Variants in FGF13 observed in about 807,000 individuals in gnomAD.
FGF13 encodes fibroblast growth factor homologous factor 2.
A neutral mutation model predicts 19.5 loss-of-function variants in FGF13; 2 were observed. The observed-to-expected ratio is 0.10, with a 90% CI of 0.04 to 0.32. The LOEUF is 0.32. FGF13 is among the 10% of genes least tolerant of loss of function. The pLI is 1.00. For synonymous variants in FGF13, 72 were observed against 76.9 expected, an observed-to-expected ratio of 0.94 and a Z score of 0.33; for missense variants, 113 against 192.7, an observed-to-expected ratio of 0.59 and a Z score of 2.45.
At chrX:139,182,465 T>C (rs1316570034) in intron 1 of FGF13, among the ~76,000 whole-genome samples, 1 of 112,310 alleles carries the variant, frequency 8.9e-6, no homozygotes, top group Non-Finnish European at 1.9e-5. Context: ...CTTCTGAAAT[T>C]GCGTATTGTT....
chrX:138,770,602 G>A (rs2090537964), intron 3 of FGF13, among the ~76,000 whole-genome samples: 1 of 111,170 alleles, frequency 9.0e-6, no homozygotes, highest in Non-Finnish European at 1.9e-5. Flanking sequence ...ACCTACTATC[G>A]TGGCACGTTT....
intron 3 of FGF13, among the ~76,000 whole-genome samples, chrX:138,772,353 A>G (rs2090553079): frequency 9.2e-6 from 1 of 108,323 alleles, no homozygotes; most frequent in African/African-American, 3.3e-5. Context: ...TTAGCACATA[A>G]CAGGAGGACT....
chrX:138,713,681 A>C (rs2090075853), upstream of FGF13, among the ~76,000 whole-genome samples: 1 of 111,825 alleles, frequency 8.9e-6, no homozygotes, highest in South Asian at 3.8e-4. Flanking sequence ...CCTCTCAGAT[A>C]GCTCTCACTG....
At chrX:138,912,969 T>A (rs968854303) in intron 1 of FGF13, among the ~76,000 whole-genome samples, 1 of 110,538 alleles carries the variant, frequency 9.0e-6, no homozygotes, top group Admixed American at 9.7e-5. Context: ...CAAAGCCAGG[T>A]TTTCACTCTT....
chrX:139,182,036 T>A (rs750479527), intron 1 of FGF13, among the ~76,000 whole-genome samples: 1 of 88,287 alleles, frequency 1.1e-5, no homozygotes, highest in Admixed American at 1.2e-4. Context: ...CAGATAATCT[T>A]CATAATAAGA....
chrX:139,178,475 T>A (rs1008715433), intron 1 of FGF13, among the ~76,000 whole-genome samples: 14 of 112,284 alleles, frequency 1.2e-4, no homozygotes, highest in Admixed American at 4.7e-4. Flanking sequence ...AAGTATATGA[T>A]TATTTCCATG....
chrX:139,129,154 T>TACACAC (rs753541740), intron 1 of FGF13, among the ~76,000 whole-genome samples: 97 of 93,035 alleles, frequency 1.0e-3, no homozygotes, highest in African/African-American at 3.8e-3. Context: ...CATACACACA[T>TACACAC]ACACACACAC....
chrX:139,005,052 AGCCCCAGG>A (rs2092094562), intron 1 of FGF13, among the ~76,000 whole-genome samples: 1 of 111,758 alleles, frequency 8.9e-6, no homozygotes, highest in Non-Finnish European at 1.9e-5. Context: ...CTGATTGTAG[AGCCCCAGG>A]GCCCTGAACA....
chrX:139,190,371 C>T (rs1222340869), intron 1 of FGF13, among the ~76,000 whole-genome samples: 1 of 103,749 alleles, frequency 9.6e-6, no homozygotes, highest in African/African-American at 3.8e-5. Flanking sequence ...TGGTTGCTTG[C>T]TTGATAAAAG....
intron 1 of FGF13, among the ~76,000 whole-genome samples, chrX:138,937,374 C>A (rs758905617): frequency 8.9e-6 from 1 of 111,886 alleles, no homozygotes; most frequent in East Asian, 2.8e-4. Context: ...CATCTGTACT[C>A]ATTTCTGCAC....
At chrX:138,702,548 T>C (rs750171215) in intron 3 of FGF13, among the ~76,000 whole-genome samples, 7 of 112,084 alleles carry the variant, frequency 6.2e-5, no homozygotes, top group Admixed American at 1.9e-4. Context: ...AGATAAGAAA[T>C]AGAACTCTAG....
chrX:138,635,605 A>G lies in FGF13; in HGVS notation c.453T>C (p.Tyr151=). Residue 151 remains tyrosine, a synonymous_variant, in exon 4 of 5, where the codon TAT becomes TAC. Transcript: ENST00000315930. ...CKFKESVFEN[Y]YVTYSSMIYR... is the part of the protein sequence containing the mutation. The stretch of plus-strand genomic sequence containing the variant: ...ATATCATTGATGAATATGTCACATA[A>G]TAATTTTCAAACACTGATTCTTTGA... 1 of 1,210,855 alleles carries G rather than the reference A, an allele frequency of 8.3e-7. No individual in the cohort carries two copies. The highest frequency in any genetic ancestry group is 1.1e-6 in the Non-Finnish European group (1 of 894,827).
At chrX:139,137,928 T>A (rs1447129275) in intron 1 of FGF13, among the ~76,000 whole-genome samples, 2 of 112,016 alleles carry the variant, frequency 1.8e-5, no homozygotes, top group African/African-American at 6.5e-5. Context: ...ATGAACAAGA[T>A]CCAATCATCA....
intron 1 of FGF13, among the ~76,000 whole-genome samples, chrX:139,073,086 C>T (rs916672936): frequency 1.8e-5 from 2 of 110,269 alleles, no homozygotes; most frequent in Non-Finnish European, 3.8e-5. Flanking sequence ...TTAATCGTCT[C>T]AACGTTTCAT....
chrX:138,673,158 C>T lies in FGF13; in HGVS notation c.402+29826G>A, dbSNP rs1432290646. Among the ~76,000 whole-genome samples the T allele has an allele frequency of 2.7e-5, 3 of 111,021 alleles. No homozygotes were observed. In the Admixed American group the frequency reaches 2.9e-4, roughly 11 times the overall value. ...ATATACAATACTTTCAGGGATTTTG[C>T]TGTAAAGGGAAACTGGTAAATGGAA... On this transcript the variant is annotated intron_variant, in intron 3 of 4. Coordinates refer to ENST00000315930, the MANE Select transcript of FGF13 (RefSeq NM_004114.5).
intron 3 of FGF13, among the ~76,000 whole-genome samples, chrX:138,771,582 A>C (rs1256769692): frequency 9.0e-6 from 1 of 111,267 alleles, no homozygotes; most frequent in African/African-American, 3.3e-5. Flanking sequence ...ACAGCTAAAC[A>C]GGGAAGATTT....
At chrX:138,877,195 TG>T (rs2091394854) in intron 1 of FGF13, among the ~76,000 whole-genome samples, 1 of 108,111 alleles carries the variant, frequency 9.2e-6, no homozygotes, top group Non-Finnish European at 1.9e-5. Context: ...CGTATACCTA[TG>T]TAACAAACTG....
chrX:139,018,902 ACAAT>A (rs1421100989), intron 1 of FGF13, among the ~76,000 whole-genome samples: 2 of 110,854 alleles, frequency 1.8e-5, no homozygotes, highest in African/African-American at 6.6e-5. Flanking sequence ...AACTATCACC[ACAAT>A]CAATTTTAGA....
rs377158365 is a variant in FGF13 at position 138,759,296 on chromosome X, C to T, written c.218-50368G>A. ...ATACACCAAGCGAATATTGATGCCC[C>T]GACATCTCCTTAGGGCTTATTTCAA... On this transcript the variant is annotated intron_variant, in intron 3 of 6. Transcript: ENST00000436198. Among the ~76,000 whole-genome samples the T allele has an allele frequency of 2.0e-4, 22 of 112,115 alleles. No homozygotes were observed. The South Asian group carries it at 3.7e-3, about 19-fold the overall frequency.
Sources: gnomAD v4.1 joint callset for allele counts (sites outside exome capture counted in the v4.1 genomes callset) on GRCh38, gnomAD v4.1.1 for gene constraint, MANE v1.5 for transcripts, NCBI Gene and HGNC (gene_info 2026-07-23, HGNC 2026-07-21) for gene names.